Variants in LEF1 observed in about 807,000 individuals in gnomAD.
LEF1 encodes the protein lymphoid enhancer-binding factor 1.
LEF1 carries 14 observed loss-of-function variants against 51.2 expected under a neutral mutation model. The observed-to-expected ratio is 0.27, with a 90% CI of 0.18 to 0.43. LEF1 has a LOEUF of 0.43. Among genes scored for constraint, LEF1 ranks in the 20% least tolerant of loss-of-function variants. The pLI is 1.00. For missense variants in LEF1, 386 were observed against 512.0 expected, an observed-to-expected ratio of 0.75 and a Z score of 2.37; for synonymous variants, 185 against 183.2, an observed-to-expected ratio of 1.01 and a Z score of -0.08.
intron 11 of LEF1, among the ~76,000 whole-genome samples, chr4:108,053,178 G>C (rs1182665889): frequency 6.6e-6 from 1 of 152,124 alleles, no homozygotes; most frequent in Non-Finnish European, 1.5e-5. Context: ...AGGATATCAC[G>C]CTCTGTTTGA....
At chr4:108,127,865 G>T (rs1248760566) in intron 3 of LEF1, among the ~76,000 whole-genome samples, 1 of 152,146 alleles carries the variant, frequency 6.6e-6, no homozygotes, top group East Asian at 1.9e-4. Context: ...TGAGGTCAGG[G>T]ATTGGGTGTT....
intron 3 of LEF1, among the ~76,000 whole-genome samples, chr4:108,159,958 C>T (rs1744963270): frequency 6.6e-6 from 1 of 152,174 alleles, no homozygotes; most frequent in South Asian, 2.1e-4. Flanking sequence ...ATGAAGTTTG[C>T]AGCGCTACAC....
At chr4:108,126,730 G>A (rs1007793226) in intron 3 of LEF1, among the ~76,000 whole-genome samples, 2 of 150,812 alleles carry the variant, frequency 1.3e-5, no homozygotes, top group East Asian at 2.0e-4. Flanking sequence ...GCTTGAACCC[G>A]GGAAGCAGAG....
At chr4:108,135,628 C>T (rs1743214586) in intron 3 of LEF1, among the ~76,000 whole-genome samples, 1 of 152,118 alleles carries the variant, frequency 6.6e-6, no homozygotes, top group Non-Finnish European at 1.5e-5. Flanking sequence ...GGCCTCTAGG[C>T]AACAACGCCC....
At chr4:108,134,282 C>T (rs1220434238) in intron 3 of LEF1, among the ~76,000 whole-genome samples, 1 of 152,288 alleles carries the variant, frequency 6.6e-6, no homozygotes, top group South Asian at 2.1e-4. Context: ...ACTTCCTCTT[C>T]CATGCTAGCA....
intron 4 of LEF1, among the ~76,000 whole-genome samples, chr4:108,088,081 G>A (rs1739765434): frequency 6.6e-6 from 1 of 152,196 alleles, no homozygotes; most frequent in African/African-American, 2.4e-5. Context: ...CAAGTCTAGT[G>A]CACTAGTAAC....
intron 7 of LEF1, among the ~76,000 whole-genome samples, chr4:108,078,846 C>A (rs1739089907): frequency 6.6e-6 from 1 of 152,156 alleles, no homozygotes; most frequent in African/African-American, 2.4e-5. Flanking sequence ...AATCTTTAGA[C>A]CTTTTCCCCC....
intron 8 of LEF1, among the ~76,000 whole-genome samples, chr4:108,077,723 C>T (rs1006709255): frequency 2.0e-5 from 3 of 150,242 alleles, no homozygotes; most frequent in Non-Finnish European, 2.9e-5. Context: ...CGCCTCTGCC[C>T]GGCTGCTGCC....
intron 5 of LEF1, among the ~76,000 whole-genome samples, chr4:108,081,992 A>G (rs1739338625): frequency 1.3e-5 from 2 of 152,262 alleles, no homozygotes; most frequent in Admixed American, 6.5e-5. Context: ...TGAATATAAC[A>G]TAACCCTGAG....
chr4:108,167,060 C>A lies in LEF1; in HGVS notation c.213+495G>T, dbSNP rs1745452295. 6.6e-6 allele frequency among the ~76,000 whole-genome samples: 1 copy of A among 152,110 alleles called. No individual in the cohort carries two copies. The highest frequency in any genetic ancestry group is 1.5e-5 in the Non-Finnish European group (1 of 68,006). On this transcript the variant is annotated intron_variant, in intron 1 of 11. Transcript: ENST00000265165. The surrounding 1 kb of genome is among the most constrained non-coding windows in gnomAD (Gnocchi z 5.7). ...CCCCAGCCCACGCCCGCCTCCCCTT[C>A]CTCCCGCCTGTGGCTCTGCTCGTCT... is the stretch of plus-strand genomic sequence containing the variant.
At position 108,081,624 on chromosome 4, in the gene LEF1, G is replaced by C; in HGVS notation, c.684C>G (p.Pro228=). 6.2e-7 allele frequency: 1 copy of C among 1,614,154 alleles called. No individual in the cohort carries two copies. Among genetic ancestry groups the C allele is most frequent in the Non-Finnish European group, 8.5e-7 (1 of 1,180,026 alleles). ...VYPITGGFRQ[P]YPSSLSVDTS... ...TGTCGACTGACAGTGAGGATGGGTA[G>C]GGTTGCCTGAATCCACCCGTGATGG... Residue 228 remains proline (P), a synonymous_variant, in exon 6 of 12, where the codon CCC becomes CCG. Transcript: ENST00000265165.
At chr4:108,067,993 C>T (rs1238598435) in intron 9 of LEF1, among the ~76,000 whole-genome samples, 1 of 151,736 alleles carries the variant, frequency 6.6e-6, no homozygotes, top group East Asian at 2.0e-4. Flanking sequence ...CCGGGCCGGG[C>T]GTGGTGGCTC....
chr4:108,133,056 C>A (rs548316863), intron 3 of LEF1, among the ~76,000 whole-genome samples: 18 of 152,226 alleles, frequency 1.2e-4, no homozygotes, highest in Admixed American at 5.2e-4. Flanking sequence ...TCACTGCAAC[C>A]TCCACCTCCC....
intron 3 of LEF1, among the ~76,000 whole-genome samples, chr4:108,104,387 C>T (rs1420834829): frequency 6.7e-6 from 1 of 149,268 alleles, no homozygotes; most frequent in Non-Finnish European, 1.5e-5. Context: ...TTACTTTATA[C>T]AGAAGGCAAA....
At chr4:108,159,271 G>A (rs1170755083) in intron 3 of LEF1, among the ~76,000 whole-genome samples, 1 of 152,084 alleles carries the variant, frequency 6.6e-6, no homozygotes, top group African/African-American at 2.4e-5. Flanking sequence ...AAACTTTGGG[G>A]GCTCTGAGGA....
At chr4:108,071,534 G>A (rs1560767564) in intron 8 of LEF1, 1 of 152,082 alleles carries the variant, frequency 6.6e-6, no homozygotes, top group East Asian at 1.9e-4. Flanking sequence ...CAAACTTTTT[G>A]TCTCCTTTTT....
At chr4:108,088,253 G>C (rs1355438592) in intron 4 of LEF1, among the ~76,000 whole-genome samples, 1 of 152,208 alleles carries the variant, frequency 6.6e-6, no homozygotes, top group Non-Finnish European at 1.5e-5. Flanking sequence ...GTCCCAGAAA[G>C]GGATGGACAA....
intron 3 of LEF1, among the ~76,000 whole-genome samples, chr4:108,090,094 C>T (rs1267777073): frequency 6.6e-6 from 1 of 152,036 alleles, no homozygotes; most frequent in African/African-American, 2.4e-5. Flanking sequence ...GATTCTCCTG[C>T]CTCAGCCTCC....
At chr4:108,161,825 A>T (rs1745072159) in intron 3 of LEF1, among the ~76,000 whole-genome samples, 1 of 152,066 alleles carries the variant, frequency 6.6e-6, no homozygotes, top group African/African-American at 2.4e-5. Flanking sequence ...TTTTGTGGCT[A>T]TTTTCTATTG....
Sources: allele counts gnomAD v4.1 joint callset (sites outside exome capture counted in the v4.1 genomes callset), GRCh38; gene constraint gnomAD v4.1.1; non-coding constraint Gnocchi (gnomAD v3.1); transcripts MANE v1.5; gene names NCBI Gene and HGNC (gene_info 2026-07-23, HGNC 2026-07-21).